DNAJA3: variants seen among roughly 807,000 people sequenced by gnomAD.
The protein encoded by DNAJA3 is dnaJ homolog subfamily A member 3, mitochondrial.
In DNAJA3, 29 loss-of-function variants were observed where a neutral mutation model predicts 54.9. That is an observed-to-expected ratio of 0.53 (90% confidence interval 0.39 to 0.72). The LOEUF (loss-of-function observed/expected upper bound fraction) is 0.72, where lower values mean the gene tolerates loss of function less well. Ranked by LOEUF, DNAJA3 falls within the 30% of genes least tolerant of loss-of-function variation. The probability of loss-of-function intolerance (pLI) is 0.00; values close to 1 mark genes in which losing one functional copy is unlikely to be tolerated. For synonymous variants in DNAJA3, 302 were observed against 251.4 expected (o/e 1.20, Z -1.90); for missense variants, 708 against 639.4 (o/e 1.11, Z -1.16).
intron 10 of DNAJA3, among the ~76,000 whole-genome samples, chr16:4,453,461 G>A (rs375368154): frequency 4.0e-5 from 6 of 150,420 alleles, no homozygotes; most frequent in East Asian, 2.0e-4. Flanking sequence ...TTTTGGAGAC[G>A]GAGTCTCACT....
At chr16:4,447,316 ACTTG>A (rs1356116486) in intron 8 of DNAJA3, 1 of 315,144 alleles carries the variant, frequency 3.2e-6, no homozygotes, top group Non-Finnish European at 5.9e-6. Flanking sequence ...TGCTCTCTGC[ACTTG>A]CTTCTGTCCA....
chr16:4,455,010 T>G, intron 11 of DNAJA3, 83 bp downstream of exon 11: 69 of 887,566 alleles, frequency 7.8e-5, no homozygotes, highest in Non-Finnish European at 9.8e-5. Context: ...ACCAATATTG[T>G]GCCCCCACCC....
rs773413961 is a variant in DNAJA3, at chr16:4,455,988, C to G, written c.*456C>G. The G allele has an allele frequency of 2.6e-5, 5 of 194,984 alleles. No individual in the cohort carries two copies. The East Asian group carries it at 5.0e-4, about 19-fold the overall frequency. The allele number at this position is 194,984 out of a possible 1,614,324, so 12.1% of individuals were successfully genotyped here. The stretch of plus-strand genomic sequence containing the variant: ...AGGTTCCAGAATGAGTTCTTCCTGA[C>G]AGGTTGTCTTCACTGGGAGCGTGGG... On this transcript the variant is annotated 3_prime_UTR_variant, in exon 12 of 12. Transcript: ENST00000262375.
chr16:4,436,152 C>G (rs1187620640), intron 2 of DNAJA3, among the ~76,000 whole-genome samples: 1 of 152,026 alleles, frequency 6.6e-6, no homozygotes, highest in South Asian at 2.1e-4. Flanking sequence ...CCATTGCCCA[C>G]TTTTAACTGG....
At chr16:4,453,625 G>T (rs940510983) in intron 10 of DNAJA3, among the ~76,000 whole-genome samples, 2 of 151,976 alleles carry the variant, frequency 1.3e-5, no homozygotes, top group African/African-American at 2.4e-5. Context: ...AGTAGAGATG[G>T]GTTTCACCAT....
At chr16:4,453,433 CTT>C (rs1334470510) in intron 10 of DNAJA3, among the ~76,000 whole-genome samples, 4 of 142,718 alleles carry the variant, frequency 2.8e-5, no homozygotes, top group African/African-American at 7.7e-5. Context: ...CCTTGTTGTT[CTT>C]TTTTTTTTTT....
In DNAJA3 at chr16:4,425,873, C is replaced by T. The variant is rs777126183; in HGVS notation, c.-9C>T. 5.8e-5 allele frequency: 89 copies of T among 1,521,556 alleles called. No individual in the cohort carries two copies. Among genetic ancestry groups the T allele is most frequent in the Middle Eastern group, 2.3e-4 (1 of 4,352 alleles). The allele number at this position is 1,521,556 out of a possible 1,614,324, so 94.3% of individuals were successfully genotyped here. A position where few individuals can be genotyped will look rare whatever the true frequency, so the allele number is the denominator to read the frequency against. ...CCGGGCGGCGCAGGCGCAGAGTCCCCGGGCCAAGATGGCTGCGCGGTGCTC... is the reference window on the plus strand; with the variant it reads ...CCGGGCGGCGCAGGCGCAGAGTCCCTGGGCCAAGATGGCTGCGCGGTGCTC... On this transcript the variant is annotated 5_prime_UTR_variant, in exon 1 of 12. Coordinates refer to ENST00000262375, the MANE Select transcript of DNAJA3 (RefSeq NM_005147.6).
At chr16:4,448,401 T>C (rs2056932030) in intron 8 of DNAJA3, among the ~76,000 whole-genome samples, 1 of 151,940 alleles carries the variant, frequency 6.6e-6, no homozygotes, top group South Asian at 2.1e-4. Context: ...TGGAGTGCAA[T>C]GGCACAATCT....
intron 8 of DNAJA3, among the ~76,000 whole-genome samples, chr16:4,448,310 C>T (rs910220884): frequency 6.7e-6 from 1 of 149,076 alleles, no homozygotes; most frequent in Admixed American, 6.7e-5. Context: ...CAGGCATGAG[C>T]CACTGCGCCC....
intron 8 of DNAJA3, 191 bp downstream of exon 8, chr16:4,447,205 A>C: frequency 1.5e-5 from 9 of 608,630 alleles, no homozygotes; most frequent in East Asian, 3.0e-5. Flanking sequence ...TGAGTCTATA[A>C]TCGCATGGGA....
rs182199827 is a variant in DNAJA3 at position 4,452,273 on chromosome 16, T to G, written c.1339+1776T>G. On this transcript the variant is annotated intron_variant, in intron 10 of 11. Coordinates refer to ENST00000262375, the MANE Select transcript of DNAJA3 (RefSeq NM_005147.6). ...TAATCAGTGCACCTGTGGCTTCTCC[T>G]TCCTCAAACCCTACAATCACATAAC... 9.9e-5 allele frequency among the ~76,000 whole-genome samples: 15 copies of G among 152,280 alleles called. No individual in the cohort carries two copies. In the East Asian group the frequency reaches 2.9e-3, roughly 29 times the overall value.
rs1388519528 is a variant in DNAJA3 at position 4,447,012 on chromosome 16, A to G, written c.1123A>G (p.Thr375Ala). Residue 375 changes from threonine (T) to alanine (A), a missense_variant and splice_region_variant, in exon 8 of 12, where the codon ACG becomes GCG. Coordinates refer to ENST00000262375, the MANE Select transcript of DNAJA3 (RefSeq NM_005147.6). Reference sequence around the variant, plus strand: ...GGGCCTGTACGAGACGATCAACGTGACGGTAAGAGGGTGTGAGAACACCTT... The same window carrying G: ...GGGCCTGTACGAGACGATCAACGTGGCGGTAAGAGGGTGTGAGAACACCTT... ...AQGLYETINVTIPPGTQTDQK... is the reference protein window; with the variant it reads ...AQGLYETINVAIPPGTQTDQK... 1.9e-6 allele frequency: 3 copies of G among 1,612,988 alleles called. No homozygotes were observed. The African/African-American group carries it at 4.0e-5, about 22-fold the overall frequency.
At position 4,434,377 on chromosome 16, in the gene DNAJA3, T is replaced by C. The variant is rs1234159820; in HGVS notation, c.212-7T>C. 5 of 1,611,088 alleles carry C rather than the reference T, an allele frequency of 3.1e-6. No individual in the cohort carries two copies. Among genetic ancestry groups the C allele is most frequent in the Non-Finnish European group, 3.4e-6 (4 of 1,179,474 alleles). ...CAGAGTGATTTTCTTTGTTTTTTCC[T>C]TTTTAGGAACAAAACATAACCCTTT... On this transcript the variant is annotated splice_polypyrimidine_tract_variant and splice_region_variant and intron_variant, in intron 1 of 11. Transcript: ENST00000262375.
chr16:4,436,927 C>T (rs2056778501), intron 2 of DNAJA3, among the ~76,000 whole-genome samples: 1 of 152,122 alleles, frequency 6.6e-6, no homozygotes, highest in Non-Finnish European at 1.5e-5. Context: ...GAATCAGTTC[C>T]TGCCCTCAAG....
chr16:4,444,099 C>T (rs1209792207), intron 6 of DNAJA3, among the ~76,000 whole-genome samples: 2 of 152,206 alleles, frequency 1.3e-5, no homozygotes, highest in African/African-American at 4.8e-5. Context: ...ACACCCATCA[C>T]CCCAGTGAGA....
At chr16:4,449,755 C>G (rs1194768370) in intron 9 of DNAJA3, 1 of 151,664 alleles carries the variant, frequency 6.6e-6, no homozygotes, top group Non-Finnish European at 1.5e-5. Context: ...GTACCTAGGG[C>G]GGGACATGCC....
chr16:4,444,493 G>A (rs1299347150), intron 6 of DNAJA3, among the ~76,000 whole-genome samples, 171 bp from the exon 7 acceptor site: 1 of 151,982 alleles, frequency 6.6e-6, no homozygotes, highest in African/African-American at 2.4e-5. Context: ...ACAGGCGTGT[G>A]CCACCACGCC....
chr16:4,450,564 C>A, intron 10 of DNAJA3, 67 bp downstream of exon 10: 2 of 1,252,706 alleles, frequency 1.6e-6, no homozygotes, highest in Non-Finnish European at 2.2e-6. Context: ...ATGGACAATT[C>A]AGGGCAGCAT....
intron 3 of DNAJA3, among the ~76,000 whole-genome samples, chr16:4,438,186 A>C (rs1450989744): frequency 2.0e-5 from 3 of 152,052 alleles, no homozygotes; most frequent in Non-Finnish European, 4.4e-5. Flanking sequence ...GCATGGCGGC[A>C]TGCGCCTGTA....
Sources: allele counts gnomAD v4.1 joint callset (sites outside exome capture counted in the v4.1 genomes callset), GRCh38; gene constraint gnomAD v4.1.1; transcripts MANE v1.5; gene names NCBI Gene and HGNC (gene_info 2026-07-23, HGNC 2026-07-21).